The following TRPS1 variants were observed in gnomAD, a reference collection of about 807,000 sequenced individuals.
TRPS1 encodes zinc finger transcription factor Trps1.
TRPS1 carries 6 observed loss-of-function variants against 101.2 expected under a neutral mutation model. That is an observed-to-expected ratio of 0.06 (90% CI 0.03 to 0.12). TRPS1 has a LOEUF of 0.12. Among genes scored for constraint, TRPS1 ranks in the 10% least tolerant of loss-of-function variants. The probability of loss-of-function intolerance (pLI) is 1.00; values close to 1 mark genes in which losing one functional copy is unlikely to be tolerated. For missense variants in TRPS1, 1,363 were observed against 1,567.0 expected, an observed-to-expected ratio of 0.87 and a Z score of 2.20; for synonymous variants, 578 against 589.8, an observed-to-expected ratio of 0.98 and a Z score of 0.29.
chr8:115,630,208 A>T (rs1272904409), intron 1 of TRPS1, among the ~76,000 whole-genome samples: 1 of 152,004 alleles, frequency 6.6e-6, no homozygotes, highest in Non-Finnish European at 1.5e-5. Flanking sequence ...TATTTTACAC[A>T]TTCACATATG....
At chr8:115,574,864 C>T (rs990848059) in intron 5 of TRPS1, among the ~76,000 whole-genome samples, 2 of 152,020 alleles carry the variant, frequency 1.3e-5, no homozygotes, top group Non-Finnish European at 2.9e-5. Flanking sequence ...TGCTGCTGCT[C>T]AAGAAATGCA....
rs79273952 is a variant in TRPS1, at chr8:115,496,359, C to T, written c.2701-77907G>A. 6.2e-3 allele frequency among the ~76,000 whole-genome samples: 937 copies of T among 152,152 alleles called. 4 individuals carry two copies. Among genetic ancestry groups the T allele is most frequent in the Middle Eastern group, 0.014 (4 of 294 alleles). On this transcript the variant is annotated intron_variant, in intron 5 of 6. Transcript: ENST00000395715. ...TTGTGTTATGGAAATAAGCAATGTACTCTTTAACTGTAACAATCAATTGTT... is the reference window on the plus strand; with the variant it reads ...TTGTGTTATGGAAATAAGCAATGTATTCTTTAACTGTAACAATCAATTGTT...
chr8:115,625,223 G>A (rs1296386759), intron 1 of TRPS1, among the ~76,000 whole-genome samples: 1 of 151,788 alleles, frequency 6.6e-6, no homozygotes, highest in African/African-American at 2.4e-5. Context: ...CAAAACATGA[G>A]TAAAAATCGT....
At chr8:115,483,442 G>C (rs1814803696) in intron 5 of TRPS1, among the ~76,000 whole-genome samples, 1 of 151,638 alleles carries the variant, frequency 6.6e-6, no homozygotes, top group African/African-American at 2.4e-5. Context: ...GCTGATGTGG[G>C]AGGATCACCT....
At chr8:115,647,908 A>C (rs1247251472) in intron 1 of TRPS1, among the ~76,000 whole-genome samples, 3 of 127,230 alleles carry the variant, frequency 2.4e-5, no homozygotes, top group Non-Finnish European at 4.5e-5. Flanking sequence ...AATATGTGAC[A>C]AAAAAAAAAG....
At chr8:115,498,413 C>A (rs868142848) in intron 5 of TRPS1, among the ~76,000 whole-genome samples, 767 of 62,612 alleles carry the variant, frequency 0.012, 3 homozygotes, top group Non-Finnish European at 0.017. Flanking sequence ...CTCTCTCTCT[C>A]TCTATATATA....
At chr8:115,635,798 A>C (rs1448595269) in intron 1 of TRPS1, among the ~76,000 whole-genome samples, 1 of 152,186 alleles carries the variant, frequency 6.6e-6, no homozygotes, top group Non-Finnish European at 1.5e-5. Flanking sequence ...CAGTGGTATT[A>C]GCAATTTCTG....
chr8:115,545,694 A>T (rs750685581), intron 5 of TRPS1, among the ~76,000 whole-genome samples: 34 of 152,188 alleles, frequency 2.2e-4, no homozygotes, highest in Non-Finnish European at 4.3e-4. Context: ...TTAGATAAAG[A>T]TCCAATTCAG....
At chr8:115,510,386 T>C (rs1413203832) in intron 5 of TRPS1, among the ~76,000 whole-genome samples, 3 of 151,976 alleles carry the variant, frequency 2.0e-5, no homozygotes, top group Non-Finnish European at 4.4e-5. Flanking sequence ...ACTGAACTGA[T>C]TGATCACTCA....
intron 1 of TRPS1, among the ~76,000 whole-genome samples, chr8:115,629,039 G>T (rs976072171): frequency 6.6e-6 from 1 of 151,646 alleles, no homozygotes; most frequent in Non-Finnish European, 1.5e-5. Flanking sequence ...GTGCCATTTA[G>T]CCAACAAAAC....
At position 115,650,563 on chromosome 8, in the gene TRPS1, TCCC is replaced by T. The variant is rs1563670434; in HGVS notation, c.-122+17979_-122+17981del. 2.5e-3 allele frequency among the ~76,000 whole-genome samples: 376 copies of T among 152,288 alleles called. 2 individuals carry two copies. The highest frequency in any genetic ancestry group is 8.7e-3 in the African/African-American group (361 of 41,552). On this transcript the variant is annotated intron_variant, in intron 1 of 6. Coordinates refer to ENST00000395715, the MANE Select transcript of TRPS1 (RefSeq NM_014112.5). ...AGTTAAATGTTAAATCAAAGGGACT[TCCC>T]AATTGTCAGATAAAATAATTCTTTT...
At chr8:115,432,242 A>C (rs1180633) in intron 5 of TRPS1, among the ~76,000 whole-genome samples, 1 of 151,642 alleles carries the variant, frequency 6.6e-6, no homozygotes, top group African/African-American at 2.4e-5. Context: ...CAGTAGGATT[A>C]AACGAAGAAT....
At chr8:115,506,752 C>T (rs1311678578) in intron 5 of TRPS1, among the ~76,000 whole-genome samples, 1 of 151,820 alleles carries the variant, frequency 6.6e-6, no homozygotes, top group Non-Finnish European at 1.5e-5. Context: ...TTTATTTGTG[C>T]CTGGAATTAA....
chr8:115,658,121 C>A lies in TRPS1; in HGVS notation c.-122+10424G>T, dbSNP rs188430339. ...TCTCAGCATAATTTTCTTTAGCATC[C>A]TAAAATCAACGACATCATGCTGCCC... On this transcript the variant is annotated intron_variant, in intron 1 of 6. Coordinates refer to ENST00000395715, the MANE Select transcript of TRPS1 (RefSeq NM_014112.5). 2.2e-3 allele frequency among the ~76,000 whole-genome samples: 339 copies of A among 152,202 alleles called. 2 individuals are homozygous for A. Among genetic ancestry groups the A allele is most frequent in the Non-Finnish European group, 3.5e-3 (236 of 67,996 alleles).
chr8:115,475,252 T>C (rs901576275), intron 5 of TRPS1, among the ~76,000 whole-genome samples: 1 of 141,652 alleles, frequency 7.1e-6, no homozygotes, highest in African/African-American at 2.8e-5. Context: ...TTACTATATA[T>C]TTTTGAATCA....
In TRPS1 at chr8:115,446,616, T is replaced by C. The variant is rs187464219; in HGVS notation, c.2701-28164A>G. On this transcript the variant is annotated intron_variant, in intron 5 of 6. Transcript: ENST00000395715. The stretch of plus-strand genomic sequence containing the variant: ...GTTTCTGATCACTTGTATTTTTCCA[T>C]CCCTGATAGGCACATCTTCCTGATT... 1.0e-3 allele frequency among the ~76,000 whole-genome samples: 157 copies of C among 152,286 alleles called. 1 individual carries two copies. Among genetic ancestry groups the C allele is most frequent in the African/African-American group, 3.6e-3 (151 of 41,556 alleles).
At chr8:115,422,795 T>A (rs1487345189) in intron 5 of TRPS1, among the ~76,000 whole-genome samples, 1 of 152,214 alleles carries the variant, frequency 6.6e-6, no homozygotes. Flanking sequence ...GTTTAAATAA[T>A]AAATTTCTCC....
intron 5 of TRPS1, among the ~76,000 whole-genome samples, chr8:115,531,806 T>C (rs2130265806): frequency 6.6e-6 from 1 of 152,092 alleles, no homozygotes. Context: ...AGTAAAAGGA[T>C]CGCTGAGCAC....
chr8:115,432,800 A>T (rs967708234), intron 5 of TRPS1, among the ~76,000 whole-genome samples: 2 of 152,052 alleles, frequency 1.3e-5, no homozygotes, highest in African/African-American at 4.8e-5. Flanking sequence ...TATCTCATTA[A>T]CTTGACCTCT....
Sources: gnomAD v4.1 joint callset for allele counts (sites outside exome capture counted in the v4.1 genomes callset) on GRCh38, gnomAD v4.1.1 for gene constraint, MANE v1.5 for transcripts, NCBI Gene and HGNC (gene_info 2026-07-23, HGNC 2026-07-21) for gene names.